SRD5A2: variants seen among roughly 807,000 people sequenced by gnomAD.
SRD5A2 encodes the protein 3-oxo-5-alpha-steroid 4-dehydrogenase 2.
Under a neutral mutation model 27.4 loss-of-function variants are expected in SRD5A2, and 30 were observed. The observed-to-expected ratio is 1.10, with a 90% CI of 0.82 to 1.49. The LOEUF is 1.49. SRD5A2 is among the 40% of genes most tolerant of loss of function. The pLI is 0.00. For missense variants in SRD5A2, 348 were observed against 323.4 expected (o/e 1.08, Z -0.58); for synonymous variants, 141 against 133.6 (o/e 1.06, Z -0.38).
At chr2:31,621,483 AGTTT>A in the SRD5A2 span, among the ~76,000 whole-genome samples, 8 of 152,112 alleles carry the variant, frequency 5.3e-5, no homozygotes, top group East Asian at 1.9e-4. Context: ...AATATTGCGC[AGTTT>A]GTTTATTAAT....
intron 1 of SRD5A2, among the ~76,000 whole-genome samples, chr2:31,540,648 C>A (rs995561480): frequency 1.3e-5 from 2 of 152,178 alleles, no homozygotes; most frequent in African/African-American, 4.8e-5. Context: ...TTTTGGAAAT[C>A]TGGAGTCTAT....
At chr2:31,602,114 C>T in the SRD5A2 span, among the ~76,000 whole-genome samples, 1 of 151,262 alleles carries the variant, frequency 6.6e-6, no homozygotes, top group Non-Finnish European at 1.5e-5. Flanking sequence ...GAGGAACTCA[C>T]TCACTTAAAC....
chr2:31,610,137 T>C, the SRD5A2 span, among the ~76,000 whole-genome samples: 2 of 152,078 alleles, frequency 1.3e-5, no homozygotes, highest in South Asian at 2.1e-4. Flanking sequence ...TTCCCAAAAA[T>C]TGAAGAGGAG....
chr2:31,625,536 T>C, the SRD5A2 span, among the ~76,000 whole-genome samples: 2 of 152,226 alleles, frequency 1.3e-5, no homozygotes, highest in Admixed American at 6.5e-5. Flanking sequence ...TTAATTTTTG[T>C]ATAAAGTGTA....
the SRD5A2 span, chr2:31,651,698 C>G: frequency 6.4e-6 from 1 of 157,164 alleles, no homozygotes; most frequent in African/African-American, 2.4e-5. Context: ...ACATCTGCAG[C>G]AAAATCATGG....
chr2:31,526,851 G>A (rs1665794276), intron 4 of SRD5A2: 1 of 153,014 alleles, frequency 6.5e-6, no homozygotes, highest in South Asian at 2.1e-4. Flanking sequence ...ATTAAGATGA[G>A]GTCATAATGG....
intron 1 of SRD5A2, among the ~76,000 whole-genome samples, chr2:31,570,814 A>C (rs1666834424): frequency 1.3e-5 from 2 of 152,320 alleles, no homozygotes; most frequent in Admixed American, 6.5e-5. Flanking sequence ...GAATACAACT[A>C]ACCAGAGAGG....
the SRD5A2 span, among the ~76,000 whole-genome samples, chr2:31,589,998 C>T: frequency 1.3e-5 from 2 of 152,084 alleles, no homozygotes; most frequent in African/African-American, 4.8e-5. Flanking sequence ...CCTGTTTTCC[C>T]CCGCTTCCCT....
At chr2:31,583,651 C>CAAAAAAAAAGCAAAAAAAAAAA (rs1558379512), upstream of SRD5A2, among the ~76,000 whole-genome samples, 1 of 66,514 alleles carries the variant, frequency 1.5e-5, no homozygotes, top group Admixed American at 1.7e-4. Flanking sequence ...AAAAAAAAAA[C>CAAAAAAAAAGCAAAAAAAAAAA]CAAAAAAAAA....
chr2:31,629,569 T>C, the SRD5A2 span, among the ~76,000 whole-genome samples: 1 of 152,058 alleles, frequency 6.6e-6, no homozygotes, highest in Non-Finnish European at 1.5e-5. Context: ...TTTCTAGCAA[T>C]CCCCAACCCT....
chr2:31,593,702 C>A, the SRD5A2 span, among the ~76,000 whole-genome samples: 3 of 152,112 alleles, frequency 2.0e-5, no homozygotes, highest in Non-Finnish European at 4.4e-5. Flanking sequence ...AAAGAACACC[C>A]AGGAAATTCA....
At chr2:31,560,302 G>T (rs909360334) in intron 1 of SRD5A2, among the ~76,000 whole-genome samples, 1 of 152,130 alleles carries the variant, frequency 6.6e-6, no homozygotes, top group African/African-American at 2.4e-5. Context: ...AGACTGTGGG[G>T]ATGGGGAGAG....
intron 1 of SRD5A2, among the ~76,000 whole-genome samples, chr2:31,555,921 A>G (rs1182079875): frequency 6.6e-6 from 1 of 152,198 alleles, no homozygotes; most frequent in African/African-American, 2.4e-5. Context: ...CCTGGGCAAT[A>G]TAGTGAGATC....
the SRD5A2 span, among the ~76,000 whole-genome samples, chr2:31,612,210 G>A: frequency 6.6e-6 from 1 of 151,868 alleles, no homozygotes; most frequent in African/African-American, 2.4e-5. Flanking sequence ...GGACCTAGGA[G>A]GCAGAGTCTG....
At chr2:31,641,522 T>C in the SRD5A2 span, among the ~76,000 whole-genome samples, 9 of 152,182 alleles carry the variant, frequency 5.9e-5, no homozygotes, top group Non-Finnish European at 1.2e-4. Flanking sequence ...ATACAAGACA[T>C]AAACTTGTGA....
chr2:31,601,925 T>C, the SRD5A2 span, among the ~76,000 whole-genome samples: 4 of 152,180 alleles, frequency 2.6e-5, no homozygotes, highest in African/African-American at 7.2e-5. Flanking sequence ...ATAGGAGCCA[T>C]ATATGACAAA....
At chr2:31,556,986 A>T (rs1666508858) in intron 1 of SRD5A2, among the ~76,000 whole-genome samples, 1 of 152,202 alleles carries the variant, frequency 6.6e-6, no homozygotes, top group Admixed American at 6.5e-5. Context: ...GGAGATAGGT[A>T]TTATTATTCC....
At chr2:31,590,734 A>G in the SRD5A2 span, among the ~76,000 whole-genome samples, 2 of 152,186 alleles carry the variant, frequency 1.3e-5, no homozygotes, top group African/African-American at 2.4e-5. Flanking sequence ...AAACATACTT[A>G]TAGACCAATG....
chr2:31,630,391 G>A, the SRD5A2 span, among the ~76,000 whole-genome samples: 2 of 152,142 alleles, frequency 1.3e-5, no homozygotes, highest in African/African-American at 4.8e-5. Flanking sequence ...AAAACAGTGT[G>A]CCTTATTCCT....
Sources: allele counts gnomAD v4.1 joint callset (sites outside exome capture counted in the v4.1 genomes callset), GRCh38; gene constraint gnomAD v4.1.1; transcripts MANE v1.5; gene names NCBI Gene and HGNC (gene_info 2026-07-23, HGNC 2026-07-21).